Variants in PCDHGA11 observed in about 807,000 individuals in gnomAD.
The protein encoded by PCDHGA11 is protocadherin gamma-A11.
In PCDHGA11, 39 loss-of-function variants were observed where a neutral mutation model predicts 60.4. The observed-to-expected ratio is 0.65, with a 90% CI of 0.50 to 0.84. The LOEUF (loss-of-function observed/expected upper bound fraction) is 0.84, where lower values mean the gene tolerates loss of function less well. PCDHGA11 is among the 40% of genes least tolerant of loss of function. PCDHGA11 has a pLI of 0.00. For synonymous variants in PCDHGA11, 533 were observed against 510.3 expected, an observed-to-expected ratio of 1.04 and a Z score of -0.60; for missense variants, 1,165 against 1,197.7, an observed-to-expected ratio of 0.97 and a Z score of 0.40.
intron 1 of PCDHGA11, among the ~76,000 whole-genome samples, chr5:141,480,615 AT>A (rs1279544819): frequency 2.0e-5 from 3 of 152,218 alleles, no homozygotes; most frequent in African/African-American, 7.2e-5. Context: ...AGCAACTGGC[AT>A]TTTCCCTAGA....
chr5:141,455,616 A>G (rs2154565146), intron 1 of PCDHGA11, among the ~76,000 whole-genome samples: 1 of 152,244 alleles, frequency 6.6e-6, no homozygotes, highest in South Asian at 2.1e-4. Flanking sequence ...GGATGTTCTA[A>G]ACACGTGGAG....
chr5:141,499,191 C>A (rs920773306), intron 2 of PCDHGA11, among the ~76,000 whole-genome samples: 1 of 152,116 alleles, frequency 6.6e-6, no homozygotes, highest in Non-Finnish European at 1.5e-5. Context: ...ACCATTTCCC[C>A]CTTCTTAGGC....
At chr5:141,464,976 A>G (rs2154568682) in intron 1 of PCDHGA11, among the ~76,000 whole-genome samples, 1 of 152,214 alleles carries the variant, frequency 6.6e-6, no homozygotes, top group East Asian at 1.9e-4. Flanking sequence ...TACTGGCTTC[A>G]AGTGATCCTC....
rs1055042563 is a variant in PCDHGA11, at chr5:141,512,805, C to G, written c.*1632C>G. On this transcript the variant is annotated 3_prime_UTR_variant, in exon 4 of 4. Coordinates refer to ENST00000398587, the MANE Select transcript of PCDHGA11 (RefSeq NM_018914.3). ...TGTTGTGTTTTGTGCTGTGTCCACG[C>G]GCTAAGGCGACCCCCTCCCCCGTAC... 3.0e-4 allele frequency: 46 copies of G among 152,378 alleles called. No individual in the cohort carries two copies. Among genetic ancestry groups the G allele is most frequent in the African/African-American group, 9.9e-4 (41 of 41,570 alleles). The allele number at this position is 152,378 out of a possible 1,614,324, so 9.4% of individuals were successfully genotyped here.
At chr5:141,475,992 C>A in intron 1 of PCDHGA11, 1 of 1,158,844 alleles carries the variant, frequency 8.6e-7, no homozygotes, top group Non-Finnish European at 1.2e-6. Context: ...GCGAGCAAAT[C>A]AACGGCATCC....
intron 1 of PCDHGA11, among the ~76,000 whole-genome samples, chr5:141,453,492 G>T (rs1046043468): frequency 6.6e-6 from 1 of 152,000 alleles, no homozygotes; most frequent in Non-Finnish European, 1.5e-5. Flanking sequence ...AAAAAAAGGT[G>T]TACTCAGAAA....
At position 141,486,579 on chromosome 5, in the gene PCDHGA11, G is replaced by A. The variant is rs747583158; in HGVS notation, c.2434-8228G>A. On this transcript the variant is annotated intron_variant, in intron 1 of 3. Coordinates refer to ENST00000398587, the MANE Select transcript of PCDHGA11 (RefSeq NM_018914.3). The surrounding 1 kb of genome is among the most constrained non-coding windows in gnomAD (Gnocchi z 5.0). ...GAGGTGTTTGTTCCTGAGAACAATC[G>A]CCCAGGGGACCTGCTTTGCTCCCTT... is the stretch of plus-strand genomic sequence containing the variant. The A allele has an allele frequency of 5.1e-5, 82 of 1,613,426 alleles. No homozygotes were observed. Among genetic ancestry groups the A allele is most frequent in the South Asian group, 2.2e-4 (20 of 91,084 alleles).
At chr5:141,442,029 A>C in intron 1 of PCDHGA11, 1 of 210,292 alleles carries the variant, frequency 4.8e-6, no homozygotes, top group Non-Finnish European at 9.8e-6. Context: ...CAGGAAAGCG[A>C]CTCGCCAGCG....
chr5:141,470,969 A>T (rs62379203), intron 1 of PCDHGA11, among the ~76,000 whole-genome samples: 1 of 151,298 alleles, frequency 6.6e-6, no homozygotes, highest in Non-Finnish European at 1.5e-5. Flanking sequence ...CTCCCACCTC[A>T]GCCTCCCAAA....
In PCDHGA11 at chr5:141,476,780, C is replaced by T. The variant is rs201463036; in HGVS notation, c.2434-18027C>T. On this transcript the variant is annotated intron_variant, in intron 1 of 3. Transcript: ENST00000398587. This position sits in a 1 kb window ranked among gnomAD's most constrained non-coding sequence, Gnocchi z 7.6. ...GCTGACGGCGTTGGACGGAGGGACCCCAGCTCTCTCCGCCAGCCTGCCTAT... is the reference window on the plus strand; with the variant it reads ...GCTGACGGCGTTGGACGGAGGGACCTCAGCTCTCTCCGCCAGCCTGCCTAT... 234 of 1,613,464 alleles carry T rather than the reference C, an allele frequency of 1.5e-4. No individual in the cohort carries two copies. Among genetic ancestry groups the T allele is most frequent in the Non-Finnish European group, 1.9e-4 (227 of 1,180,026 alleles).
In PCDHGA11 at chr5:141,486,474, C is replaced by T. The variant is rs1594589698; in HGVS notation, c.2434-8333C>T. On this transcript the variant is annotated intron_variant, in intron 1 of 3. Transcript: ENST00000398587. This position sits in a 1 kb window ranked among gnomAD's most constrained non-coding sequence, Gnocchi z 5.0. ...ACTGCTTCTGATGCTGGGAACCCTCCTCTCAGTACCCACAGAACTATTTTC... is the reference window on the plus strand; with the variant it reads ...ACTGCTTCTGATGCTGGGAACCCTCTTCTCAGTACCCACAGAACTATTTTC... 1 of 1,614,016 alleles carries T rather than the reference C, an allele frequency of 6.2e-7. No homozygotes were observed. Among genetic ancestry groups the T allele is most frequent in the South Asian group, 1.1e-5 (1 of 91,082 alleles).
In PCDHGA11 at chr5:141,511,106, G is replaced by A. The variant is rs536900646; in HGVS notation, c.2741G>A (p.Arg914Gln). 4.6e-5 allele frequency: 75 copies of A among 1,614,196 alleles called. No individual in the cohort carries two copies. In the East Asian group the frequency reaches 5.8e-4, roughly 12 times the overall value. Reference protein sequence around the residue: ...NATLTNAAGKRDGKAPAGGNG... With the variant: ...NATLTNAAGKQDGKAPAGGNG... ...ACACTGACCAACGCAGCTGGCAAGC[G>A]GGATGGCAAGGCCCCAGCAGGTGGC... The change falls in exon 4 of 4, where the codon CGG (arginine) becomes CAG (glutamine). Residue 914 changes from arginine (R) to glutamine (Q), a missense_variant. Coordinates refer to ENST00000398587, the MANE Select transcript of PCDHGA11 (RefSeq NM_018914.3).
At chr5:141,508,792 C>T (rs1198342551) in intron 3 of PCDHGA11, among the ~76,000 whole-genome samples, 3 of 152,130 alleles carry the variant, frequency 2.0e-5, no homozygotes, top group Admixed American at 6.5e-5. Flanking sequence ...CTAAATCACT[C>T]TGGAATCCTG....
chr5:141,442,317 A>T (rs1257883989), intron 1 of PCDHGA11: 2 of 152,400 alleles, frequency 1.3e-5, no homozygotes, highest in Admixed American at 6.5e-5. Context: ...ACGGATGTCT[A>T]TCCCGCGCTA....
intron 2 of PCDHGA11, among the ~76,000 whole-genome samples, chr5:141,497,050 G>A (rs113054804): frequency 6.6e-5 from 10 of 152,096 alleles, no homozygotes; most frequent in East Asian, 5.8e-4. Context: ...TTAGCCAGGC[G>A]TGGTGGCAGG....
At chr5:141,429,599 A>G (rs2097227286) in intron 1 of PCDHGA11, among the ~76,000 whole-genome samples, 1 of 152,238 alleles carries the variant, frequency 6.6e-6, no homozygotes, top group Non-Finnish European at 1.5e-5. Flanking sequence ...TAATTCAAGT[A>G]AACTCAATTT....
Position 141,456,287 on chromosome 5 carries a change from C to A in PCDHGA11, c.2433+32627C>A, listed in dbSNP as rs951430060. On this transcript the variant is annotated intron_variant, in intron 1 of 3. Transcript: ENST00000398587. ...CTGGCTACTTCCTGCTGAAAAGGGGCGTCTAATGGAGAACAGCAGCTAGGG... is the reference window on the plus strand; with the variant it reads ...CTGGCTACTTCCTGCTGAAAAGGGGAGTCTAATGGAGAACAGCAGCTAGGG... Among the ~76,000 whole-genome samples, 11 of 152,166 alleles carry A rather than the reference C, an allele frequency of 7.2e-5. No individual in the cohort carries two copies. In the East Asian group the frequency reaches 1.9e-3, roughly 27 times the overall value.
rs984222446 is a variant in PCDHGA11 at position 141,493,942 on chromosome 5, G to T, written c.2434-865G>T. ...ACACACCCCCTGGAAAGACCAGAAG[G>T]GACTCAGGAATGAAGTGGCTGGCCA... On this transcript the variant is annotated intron_variant, in intron 1 of 3. Transcript: ENST00000398587. The surrounding 1 kb of genome is among the most constrained non-coding windows in gnomAD (Gnocchi z 4.3). Among the ~76,000 whole-genome samples the T allele has an allele frequency of 1.3e-5, 2 of 152,168 alleles. No individual in the cohort carries two copies. Among genetic ancestry groups the T allele is most frequent in the Non-Finnish European group, 1.5e-5 (1 of 68,022 alleles).
chr5:141,464,389 A>G (rs2099082481), intron 1 of PCDHGA11, among the ~76,000 whole-genome samples: 1 of 151,766 alleles, frequency 6.6e-6, no homozygotes, highest in Non-Finnish European at 1.5e-5. Flanking sequence ...AAAAATGCTA[A>G]TGAAGAACCT....
Sources: gnomAD v4.1 joint callset for allele counts (sites outside exome capture counted in the v4.1 genomes callset) on GRCh38, gnomAD v4.1.1 for gene constraint, Gnocchi (gnomAD v3.1) non-coding constraint, MANE v1.5 for transcripts, NCBI Gene and HGNC (gene_info 2026-07-23, HGNC 2026-07-21) for gene names.